PM20D1: variants seen among roughly 807,000 people sequenced by gnomAD.
The protein encoded by PM20D1 is peptidase M20 domain containing 1.
Under a neutral mutation model 53.8 loss-of-function variants are expected in PM20D1, and 53 were observed. That is an observed-to-expected ratio of 0.98 (90% CI 0.79 to 1.24). The LOEUF (loss-of-function observed/expected upper bound fraction) is 1.24, where lower values mean the gene tolerates loss of function less well. PM20D1 is among the 50% of genes most tolerant of loss of function. The probability of loss-of-function intolerance (pLI) is 0.00; values close to 1 mark genes in which losing one functional copy is unlikely to be tolerated. For synonymous variants in PM20D1, 239 were observed against 241.3 expected (o/e 0.99, Z 0.09); for missense variants, 564 against 616.8 (o/e 0.91, Z 0.91).
chr1:205,838,644 G>A (rs182714854), intron 10 of PM20D1, among the ~76,000 whole-genome samples: 2 of 152,226 alleles, frequency 1.3e-5, no homozygotes, highest in Non-Finnish European at 2.9e-5. Context: ...TGACACTCCA[G>A]CCTATATCTC....
Position 205,830,330 on chromosome 1 carries a change from A to G in PM20D1, c.1335T>C (p.Thr445=). ...AGATGGGGTAGAACCTGTAGATGCCAGTGGTGAGGTTTGTAAAGAATCGGC... is the reference window on the plus strand; with the variant it reads ...AGATGGGGTAGAACCTGTAGATGCCGGTGGTGAGGTTTGTAAAGAATCGGC... ...TDSRFFTNLT[T]GIYRFYPIYI... Residue 445 remains threonine (T), a synonymous_variant, in exon 12 of 13, where the codon ACT becomes ACC. Coordinates refer to ENST00000367136, the MANE Select transcript of PM20D1 (RefSeq NM_152491.5). The G allele has an allele frequency of 1.2e-6, 2 of 1,613,252 alleles. No individual in the cohort carries two copies. Among genetic ancestry groups the G allele is most frequent in the South Asian group, 1.1e-5 (1 of 91,044 alleles).
chr1:205,836,141 T>C (rs1044502117), intron 10 of PM20D1, among the ~76,000 whole-genome samples: 1 of 152,210 alleles, frequency 6.6e-6, no homozygotes, highest in East Asian at 1.9e-4. Context: ...CCCAAAGTGC[T>C]GGGATTACAG....
chr1:205,850,097 G>A lies in PM20D1; in HGVS notation c.-25C>T. ...TGCTTCTCTCGAGCTCCTGCTGTCA[G>A]GCTACCGGGGTAGTTCTGACCTAAA... is the stretch of plus-strand genomic sequence containing the variant. On this transcript the variant is annotated 5_prime_UTR_variant, in exon 1 of 13. Transcript: ENST00000367136. 6.2e-7 allele frequency: 1 copy of A among 1,606,066 alleles called. No homozygotes were observed. Among genetic ancestry groups the A allele is most frequent in the African/African-American group, 1.3e-5 (1 of 74,920 alleles).
intron 10 of PM20D1, among the ~76,000 whole-genome samples, chr1:205,839,624 T>C (rs1656758347): frequency 6.6e-6 from 1 of 151,848 alleles, no homozygotes; most frequent in African/African-American, 2.4e-5. Context: ...GGCGGGTGGC[T>C]CACAAGGTCA....
chr1:205,828,718 A>G lies in PM20D1; in HGVS notation c.1411T>C (p.Ser471Pro). Residue 471 changes from serine (S) to proline (P), a missense_variant, in exon 13 of 13, where the codon TCA becomes CCA. Coordinates refer to ENST00000367136, the MANE Select transcript of PM20D1 (RefSeq NM_152491.5). ...ACTTGGGTCTCATAGGCTTGGACTG[A>G]GATTTTCTCGTTGACTCCATGGATG... is the stretch of plus-strand genomic sequence containing the variant. ...KRIHGVNEKI[S>P]VQAYETQVKF... 1.2e-6 allele frequency: 2 copies of G among 1,614,106 alleles called. No homozygotes were observed. The highest frequency in any genetic ancestry group is 1.7e-6 in the Non-Finnish European group (2 of 1,179,986).
In PM20D1 at chr1:205,845,367, G is replaced by A. The variant is rs1656928123; in HGVS notation, c.447C>T (p.Ile149=). 6.2e-7 allele frequency: 1 copy of A among 1,614,158 alleles called. No homozygotes were observed. Among genetic ancestry groups the A allele is most frequent in the East Asian group, 2.2e-5 (1 of 44,870 alleles). ...PPFSGLERDG[I]IYGRGTLDDK... ...CGTCCAGTGTGCCCCGACCATAGATGATGCCATCACGCTCCAACCCAGAGA... is the reference window on the plus strand; with the variant it reads ...CGTCCAGTGTGCCCCGACCATAGATAATGCCATCACGCTCCAACCCAGAGA... The change falls in exon 3 of 13, where the codon ATC becomes ATT. Residue 149 remains isoleucine (I), a synonymous_variant. Coordinates refer to ENST00000367136, the MANE Select transcript of PM20D1 (RefSeq NM_152491.5).
intron 10 of PM20D1, among the ~76,000 whole-genome samples, chr1:205,833,784 T>C (rs1656618175): frequency 6.6e-6 from 1 of 151,988 alleles, no homozygotes. Context: ...CTGCCTCTGC[T>C]CTAGAAAGGG....
intron 2 of PM20D1, among the ~76,000 whole-genome samples, chr1:205,846,944 C>T (rs1333204719): frequency 6.7e-6 from 1 of 149,292 alleles, no homozygotes; most frequent in Non-Finnish European, 1.5e-5. Flanking sequence ...AGCCTGGCCT[C>T]AGCTTGGCTA....
chr1:205,847,577 A>T (rs1024046056), intron 2 of PM20D1, among the ~76,000 whole-genome samples: 1 of 149,018 alleles, frequency 6.7e-6, no homozygotes, highest in African/African-American at 2.5e-5. Context: ...AGTTCTGGGC[A>T]GTTGCACAAG....
At chr1:205,846,700 G>A (rs548535480) in intron 2 of PM20D1, among the ~76,000 whole-genome samples, 3 of 151,980 alleles carry the variant, frequency 2.0e-5, no homozygotes, top group South Asian at 2.1e-4. Context: ...GTACTTCTGC[G>A]TGCAGGTGTA....
At chr1:205,844,686 G>A in intron 4 of PM20D1, 125 bp downstream of exon 4, 1 of 784,804 alleles carries the variant, frequency 1.3e-6, no homozygotes. Flanking sequence ...CAGACACACG[G>A]AGAAGTTGGC....
At chr1:205,839,910 CAAAAAAAAAAAA>C (rs567749262) in intron 10 of PM20D1, among the ~76,000 whole-genome samples, 207 of 58,094 alleles carry the variant, frequency 3.6e-3, no homozygotes, top group African/African-American at 0.014. Flanking sequence ...GACTCTGACT[CAAAAAAAAAAAA>C]AAAAAAAAAA....
intron 10 of PM20D1, among the ~76,000 whole-genome samples, chr1:205,837,733 C>T (rs1174740622): frequency 1.3e-5 from 2 of 151,972 alleles, no homozygotes; most frequent in East Asian, 1.9e-4. Context: ...TCAGAGAGAC[C>T]GGAAGGAAGG....
chr1:205,832,674 A>G lies in PM20D1; in HGVS notation c.1209T>C (p.Asp403=), dbSNP rs1571667302. The G allele has an allele frequency of 1.2e-6, 2 of 1,614,156 alleles. No individual in the cohort carries two copies. The highest frequency in any genetic ancestry group is 1.7e-6 in the Non-Finnish European group (2 of 1,180,034). ...AFDPLPVSPS[D]DKALGYQLLR... ...GCAGCTGGTAGCCCAAGGCCTTGTC[A>G]TCAGAAGGGCTGACGGGGAGGGGGT... Residue 403 remains aspartate, a synonymous_variant, in exon 11 of 13, where the codon GAT becomes GAC. Coordinates refer to ENST00000367136, the MANE Select transcript of PM20D1 (RefSeq NM_152491.5).
At chr1:205,843,307 A>T (rs1403500497) in intron 6 of PM20D1, among the ~76,000 whole-genome samples, 1 of 152,008 alleles carries the variant, frequency 6.6e-6, no homozygotes, top group African/African-American at 2.4e-5. Flanking sequence ...TTCCATATGG[A>T]TATACTGACA....
At chr1:205,847,006 C>CTT (rs778538865) in intron 2 of PM20D1, among the ~76,000 whole-genome samples, 861 of 44,694 alleles carry the variant, frequency 0.019, 112 homozygotes, top group African/African-American at 0.027. Context: ...TCCTTCCTTT[C>CTT]TTTTTTTTTT....
At position 205,840,271 on chromosome 1, in the gene PM20D1, G is replaced by C; in HGVS notation, c.1097C>G (p.Pro366Arg). ...ACATACCTCTTGGACTGTCTGTCCA[G>C]GGTGAATCCGGAAGTTGACTGTGGC... Reference protein sequence around the residue: ...AQATVNFRIHPGQTVQEVLEL... With the variant: ...AQATVNFRIHRGQTVQEVLEL... Residue 366 changes from proline (P) to arginine (R), a missense_variant, in exon 10 of 13, where the codon CCT becomes CGT. Pro to Arg is a moderately radical substitution (Grantham distance 103). Coordinates refer to ENST00000367136, the MANE Select transcript of PM20D1 (RefSeq NM_152491.5). The C allele has an allele frequency of 6.2e-7, 1 of 1,614,004 alleles. No homozygotes were observed.
chr1:205,845,007 T>C, intron 3 of PM20D1, 110 bp from the exon 4 acceptor site: 1 of 894,024 alleles, frequency 1.1e-6, no homozygotes, highest in South Asian at 1.5e-5. Flanking sequence ...GATGAGGATG[T>C]GATAGATTCT....
At chr1:205,846,356 AGCCTG>A (rs1656981304) in intron 2 of PM20D1, among the ~76,000 whole-genome samples, 1 of 152,076 alleles carries the variant, frequency 6.6e-6, no homozygotes, top group African/African-American at 2.4e-5. Flanking sequence ...ACTGCACTCC[AGCCTG>A]GCTGACACAG....
Sources: allele counts gnomAD v4.1 joint callset (sites outside exome capture counted in the v4.1 genomes callset), GRCh38; gene constraint gnomAD v4.1.1; transcripts MANE v1.5; gene names NCBI Gene and HGNC (gene_info 2026-07-23, HGNC 2026-07-21).